ZNF483: variants seen among roughly 807,000 people sequenced by gnomAD.
The protein encoded by ZNF483 is zinc finger protein HIT-10.
ZNF483 carries 9 observed loss-of-function variants against 28.6 expected under a neutral mutation model. The ratio of observed to expected loss-of-function variants is 0.32; its 90% CI spans 0.19 to 0.55. ZNF483 has a LOEUF of 0.55. Among genes scored for constraint, ZNF483 ranks in the 20% least tolerant of loss-of-function variants. ZNF483 has a pLI of 0.93. For missense variants in ZNF483, 675 were observed against 871.7 expected, an observed-to-expected ratio of 0.77 and a Z score of 2.84; for synonymous variants, 322 against 306.2, an observed-to-expected ratio of 1.05 and a Z score of -0.54.
downstream of ZNF483, among the ~76,000 whole-genome samples, chr9:111,557,412 T>TA (rs1350489080): frequency 2.0e-4 from 30 of 150,360 alleles, no homozygotes; most frequent in African/African-American, 6.6e-4. Flanking sequence ...CATGGAAAGG[T>TA]ACCATGCCGT....
chr9:111,525,387 C>T (rs554998583), intron 1 of ZNF483, 125 bp downstream of exon 1: 1 of 152,288 alleles, frequency 6.6e-6, no homozygotes, highest in Non-Finnish European at 1.5e-5. Flanking sequence ...GCTGCTGCTG[C>T]TTCTGTGGGA....
At chr9:111,572,777 A>AG (rs1462809093) in intron 5 of ZNF483, among the ~76,000 whole-genome samples, 3 of 150,374 alleles carry the variant, frequency 2.0e-5, no homozygotes, top group African/African-American at 7.3e-5. Flanking sequence ...AAAAAAAAAA[A>AG]AAATTAAAAA....
chr9:111,560,921 C>T (rs1191646934), intron 5 of ZNF483, among the ~76,000 whole-genome samples: 1 of 120,474 alleles, frequency 8.3e-6, no homozygotes. Flanking sequence ...CCAGCCTGGG[C>T]AACAGAGTGA....
chr9:111,544,147 A>T lies in ZNF483; in HGVS notation c.*977A>T. On this transcript the variant is annotated 3_prime_UTR_variant, in exon 6 of 6. Transcript: ENST00000309235. ...CTGAGCCATCTCAGCCGTGAGAGTA[A>T]CAGTCCTAGGAAAATAGATGGGGGC... 1.0e-6 allele frequency: 1 copy of T among 985,474 alleles called. No homozygotes were observed. The allele number at this position is 985,474 out of a possible 1,614,324, so 61.0% of individuals were successfully genotyped here. A position where few individuals can be genotyped will look rare whatever the true frequency, so the allele number is the denominator to read the frequency against.
At chr9:111,534,438 T>G in intron 5 of ZNF483, 85 bp downstream of exon 5, 3 of 1,124,524 alleles carry the variant, frequency 2.7e-6, no homozygotes, top group Non-Finnish European at 4.0e-6. Flanking sequence ...TTGGGCTGCC[T>G]AGATACTAAA....
chr9:111,564,575 G>C (rs1828468630), intron 5 of ZNF483, among the ~76,000 whole-genome samples: 1 of 151,734 alleles, frequency 6.6e-6, no homozygotes, highest in African/African-American at 2.4e-5. Context: ...CAAAGTGCTA[G>C]GATTACAGGC....
In ZNF483 at chr9:111,553,522, A is replaced by T. The variant is rs1828033474; in HGVS notation, c.*10352A>T. On this transcript the variant is annotated 3_prime_UTR_variant, in exon 6 of 6. Coordinates refer to ENST00000309235, the MANE Select transcript of ZNF483 (RefSeq NM_133464.5). ...CTGCATAAAATATCCAAGTAAACAC[A>T]TTGTGATTTTACATCCGTGCATAGA... Among the ~76,000 whole-genome samples, 1 of 152,196 alleles carries T rather than the reference A, an allele frequency of 6.6e-6. No individual in the cohort carries two copies. Among genetic ancestry groups the T allele is most frequent in the South Asian group, 2.1e-4 (1 of 4,832 alleles).
Position 111,551,410 on chromosome 9 carries a change from T to C in ZNF483, c.*8240T>C. The stretch of plus-strand genomic sequence containing the variant: ...AAGTATCCAGTTTTTGTTTTTTTTT[T>C]TTTTTTTTTTTTTTTGAGATGGAGT... On this transcript the variant is annotated 3_prime_UTR_variant, in exon 6 of 6. Coordinates refer to ENST00000309235, the MANE Select transcript of ZNF483 (RefSeq NM_133464.5). Among the ~76,000 whole-genome samples, 1 of 136,508 alleles carries C rather than the reference T, an allele frequency of 7.3e-6. No individual in the cohort carries two copies. Among genetic ancestry groups the C allele is most frequent in the East Asian group, 2.1e-4 (1 of 4,854 alleles). 89.6% of individuals were successfully genotyped at this position (136,508 alleles called of 152,430 possible). A position where few individuals can be genotyped will look rare whatever the true frequency, so the allele number is the denominator to read the frequency against.
chr9:111,534,914 G>A (rs1254632430), intron 5 of ZNF483, among the ~76,000 whole-genome samples: 4 of 151,784 alleles, frequency 2.6e-5, no homozygotes, highest in African/African-American at 4.8e-5. Flanking sequence ...TAGTAGAGAC[G>A]GGGTTTCACC....
chr9:111,567,671 A>G (rs1170380040), intron 5 of ZNF483, among the ~76,000 whole-genome samples: 1 of 152,216 alleles, frequency 6.6e-6, no homozygotes, highest in African/African-American at 2.4e-5. Context: ...TTTAAGTGAA[A>G]TGCAGAGCTT....
intron 5 of ZNF483, chr9:111,570,131 C>A (rs770310571): frequency 1.2e-6 from 2 of 1,614,036 alleles, no homozygotes; most frequent in South Asian, 1.1e-5. Flanking sequence ...AGCTTTTTGG[C>A]GGGCATCTCC....
intron 5 of ZNF483, among the ~76,000 whole-genome samples, chr9:111,568,945 T>TA (rs1828692381): frequency 6.6e-6 from 1 of 152,172 alleles, no homozygotes; most frequent in Admixed American, 6.5e-5. Context: ...AGAATCTCCT[T>TA]AGAGATTAGA....
chr9:111,535,396 A>T (rs1426774445), intron 5 of ZNF483, among the ~76,000 whole-genome samples: 1 of 152,242 alleles, frequency 6.6e-6, no homozygotes, highest in Non-Finnish European at 1.5e-5. Flanking sequence ...ATGAGTAGGA[A>T]TTCATCCAGT....
At chr9:111,530,353 C>T (rs1827291555) in intron 2 of ZNF483, among the ~76,000 whole-genome samples, 2 of 152,178 alleles carry the variant, frequency 1.3e-5, no homozygotes, top group Admixed American at 1.3e-4. Context: ...GGCTGTTCAT[C>T]TGTATCCTTT....
chr9:111,534,431 G>T, intron 5 of ZNF483, 78 bp downstream of exon 5: 1 of 1,221,662 alleles, frequency 8.2e-7, no homozygotes. Context: ...TGAAATGTTG[G>T]GCTGCCTAGA....
rs1033591442 is a variant in ZNF483 at position 111,544,374 on chromosome 9, A to G, written c.*1204A>G. On this transcript the variant is annotated 3_prime_UTR_variant, in exon 6 of 6. Coordinates refer to ENST00000309235, the MANE Select transcript of ZNF483 (RefSeq NM_133464.5). The stretch of plus-strand genomic sequence containing the variant: ...TGTGTGTGTGTGTGTGTGTGTGTGT[A>G]TACATTGTTGCCACTATCTAAAATT... 71 of 792,730 alleles carry G rather than the reference A, an allele frequency of 9.0e-5. No homozygotes were observed. The highest frequency in any genetic ancestry group is 6.0e-4 in the South Asian group (10 of 16,624). 49.1% of individuals were successfully genotyped at this position (792,730 alleles called of 1,614,324 possible).
Position 111,549,864 on chromosome 9 carries a change from C to T in ZNF483, c.*6694C>T. The T allele has an allele frequency of 9.8e-7, 1 of 1,019,526 alleles. No homozygotes were observed. 63.2% of individuals were successfully genotyped at this position (1,019,526 alleles called of 1,614,324 possible). On this transcript the variant is annotated 3_prime_UTR_variant, in exon 6 of 6. Transcript: ENST00000309235. ...TTAAGGCAGTTGCTTTAAAGTCTGTCTAGTGAGTCAATGTTTGGTCTTCCT... is the reference window on the plus strand; with the variant it reads ...TTAAGGCAGTTGCTTTAAAGTCTGTTTAGTGAGTCAATGTTTGGTCTTCCT...
intron 4 of ZNF483, 30 bp downstream of exon 4, chr9:111,533,895 G>A (rs181086184): frequency 3.2e-5 from 51 of 1,580,260 alleles, no homozygotes; most frequent in East Asian, 2.9e-4. Flanking sequence ...ATTACCTAGC[G>A]TTTAACCTTG....
downstream of ZNF483, among the ~76,000 whole-genome samples, chr9:111,559,598 T>TCACA (rs1037774997): frequency 6.7e-6 from 1 of 149,934 alleles, no homozygotes; most frequent in Non-Finnish European, 1.5e-5. Flanking sequence ...ACACACACAC[T>TCACA]CACACACACA....
Sources: gnomAD v4.1 joint callset for allele counts (sites outside exome capture counted in the v4.1 genomes callset) on GRCh38, gnomAD v4.1.1 for gene constraint, MANE v1.5 for transcripts, NCBI Gene and HGNC (gene_info 2026-07-23, HGNC 2026-07-21) for gene names.